Variants in ACTR1B observed in about 807,000 individuals in gnomAD.
ACTR1B encodes beta-centractin.
Under a neutral mutation model 49.4 loss-of-function variants are expected in ACTR1B, and 34 were observed. That is an observed-to-expected ratio of 0.69 (90% CI 0.52 to 0.92). The LOEUF is 0.92. ACTR1B is among the 40% of genes least tolerant of loss of function. ACTR1B has a pLI of 0.00. For synonymous variants in ACTR1B, 207 were observed against 207.8 expected (o/e 1.00, Z 0.03); for missense variants, 471 against 522.4 (o/e 0.90, Z 0.96).
chr2:97,663,938 C>A lies in ACTR1B; in HGVS notation c.-48G>T. Reference sequence around the variant, plus strand: ...CCAGCAGGCGGGCTGCAGGAGGCACCGGATGGGCGGGCGGGCGGGAGGACC... The same window carrying A: ...CCAGCAGGCGGGCTGCAGGAGGCACAGGATGGGCGGGCGGGCGGGAGGACC... On this transcript the variant is annotated 5_prime_UTR_variant, in exon 1 of 11. Transcript: ENST00000289228. 2 of 227,006 alleles carry A rather than the reference C, an allele frequency of 8.8e-6. No individual in the cohort carries two copies. Among genetic ancestry groups the A allele is most frequent in the Non-Finnish European group, 1.8e-5 (2 of 112,882 alleles). The allele number at this position is 227,006 out of a possible 1,614,324, so 14.1% of individuals were successfully genotyped here. A position where few individuals can be genotyped will look rare whatever the true frequency, so the allele number is the denominator to read the frequency against.
chr2:97,657,522 A>G lies in ACTR1B; in HGVS notation c.926-13T>C. The G allele has an allele frequency of 6.2e-7, 1 of 1,614,148 alleles. No homozygotes were observed. Among genetic ancestry groups the G allele is most frequent in the East Asian group, 2.2e-5 (1 of 44,884 alleles). Reference sequence around the variant, plus strand: ...CGGTCTCCGAAGCCTGTGAACACAAAGCTGGCTGAGCCTGGGGTCTGCACC... The same window carrying G: ...CGGTCTCCGAAGCCTGTGAACACAAGGCTGGCTGAGCCTGGGGTCTGCACC... On this transcript the variant is annotated splice_polypyrimidine_tract_variant and intron_variant, in intron 8 of 10. Coordinates refer to ENST00000289228, the MANE Select transcript of ACTR1B (RefSeq NM_005735.4).
At position 97,656,749 on chromosome 2, in the gene ACTR1B, G is replaced by C; in HGVS notation, c.*109C>G. ...GCTGTGCCACCCACCCAGGGGTTCA[G>C]GGCATGCAGGGGACCCTAAGCCTAG... On this transcript the variant is annotated 3_prime_UTR_variant, in exon 11 of 11. Coordinates refer to ENST00000289228, the MANE Select transcript of ACTR1B (RefSeq NM_005735.4). 1 of 874,974 alleles carries C rather than the reference G, an allele frequency of 1.1e-6. No homozygotes were observed. The allele number at this position is 874,974 out of a possible 1,614,324, so 54.2% of individuals were successfully genotyped here. A position where few individuals can be genotyped will look rare whatever the true frequency, so the allele number is the denominator to read the frequency against.
chr2:97,659,359 G>T lies in ACTR1B; in HGVS notation c.308C>A (p.Ser103Ter). The change falls in exon 4 of 11, where the codon TCG becomes TAG. Residue 103 changes from serine (S) to a stop codon, truncating the protein, a stop_gained. Coordinates refer to ENST00000289228, the MANE Select transcript of ACTR1B (RefSeq NM_005735.4). LOFTEE classifies it high-confidence loss of function. The surrounding 1 kb of genome is among the most constrained non-coding windows in gnomAD (Gnocchi z 4.0). ...GAGGGGCAGCCGCCACACCTCCTCC[G>T]AGAAGGTCTGCAGCTGATCCTTGGA... ...VYSKDQLQTF[S>*]EEHPVLLTEA... is the part of the protein sequence containing the mutation. 2 of 1,613,992 alleles carry T rather than the reference G, an allele frequency of 1.2e-6. No homozygotes were observed. Among genetic ancestry groups the T allele is most frequent in the Non-Finnish European group, 1.7e-6 (2 of 1,180,004 alleles).
intron 2 of ACTR1B, 136 bp from the exon 3 acceptor site, chr2:97,660,782 T>A: frequency 1.2e-6 from 1 of 844,502 alleles, no homozygotes; most frequent in South Asian, 1.5e-5. Flanking sequence ...GGGGCACAGG[T>A]TGGAACTGGG....
chr2:97,662,543 G>C (rs1180452140), intron 1 of ACTR1B, among the ~76,000 whole-genome samples: 2 of 151,990 alleles, frequency 1.3e-5, no homozygotes, highest in East Asian at 3.9e-4. Context: ...GCTTCCCAGA[G>C]ACTACTAGGA....
At chr2:97,660,461 G>A (rs180929304) in intron 3 of ACTR1B, 110 bp downstream of exon 3, 3 of 1,088,366 alleles carry the variant, frequency 2.8e-6, no homozygotes, top group East Asian at 4.8e-5. Flanking sequence ...TTCCCAGCTG[G>A]AGCCTGGAGG....
At position 97,658,836 on chromosome 2, in the gene ACTR1B, G is replaced by T; in HGVS notation, c.440+43C>A. The T allele has an allele frequency of 6.2e-7, 1 of 1,613,394 alleles. No homozygotes were observed. The highest frequency in any genetic ancestry group is 1.1e-5 in the South Asian group (1 of 90,996). On this transcript the variant is annotated intron_variant, in intron 5 of 10. Transcript: ENST00000289228. The surrounding 1 kb of genome is among the most constrained non-coding windows in gnomAD (Gnocchi z 5.9). Reference sequence around the variant, plus strand: ...TGGTCATGGCAAGCAGGACGGCACAGGGAGGACAGGACTCAGGGAGGCCAG... The same window carrying T: ...TGGTCATGGCAAGCAGGACGGCACATGGAGGACAGGACTCAGGGAGGCCAG...
chr2:97,662,808 G>C (rs964474164), intron 1 of ACTR1B, among the ~76,000 whole-genome samples: 3 of 152,162 alleles, frequency 2.0e-5, no homozygotes, highest in Non-Finnish European at 2.9e-5. Context: ...CGAGTTATTT[G>C]CACGTCAAGA....
At position 97,656,862 on chromosome 2, in the gene ACTR1B, A is replaced by G. The variant is rs1293862703; in HGVS notation, c.1127T>C (p.Phe376Ser). Reference protein sequence around the residue: ...DGSRAIHRKTF With the variant: ...DGSRAIHRKTS Reference sequence around the variant, plus strand: ...ATGCCCCGCCCTCCTTGGGCACTAGAAAGTTTTGCGATGAATAGCACGGGA... The same window carrying G: ...ATGCCCCGCCCTCCTTGGGCACTAGGAAGTTTTGCGATGAATAGCACGGGA... Residue 376 changes from phenylalanine (F) to serine (S), a missense_variant, in exon 11 of 11, where the codon TTC becomes TCC. By Grantham distance (155) the Phe-to-Ser change is radical. Coordinates refer to ENST00000289228, the MANE Select transcript of ACTR1B (RefSeq NM_005735.4). 2 of 1,579,856 alleles carry G rather than the reference A, an allele frequency of 1.3e-6. No individual in the cohort carries two copies. The highest frequency in any genetic ancestry group is 1.2e-5 in the South Asian group (1 of 86,208).
intron 2 of ACTR1B, among the ~76,000 whole-genome samples, chr2:97,661,499 C>G (rs760092940): frequency 6.6e-6 from 1 of 152,232 alleles, no homozygotes; most frequent in Non-Finnish European, 1.5e-5. Flanking sequence ...GAAAACAAGC[C>G]CGGCAGAAAA....
At position 97,656,638 on chromosome 2, in the gene ACTR1B, C is replaced by G. The variant is rs143901671; in HGVS notation, c.*220G>C. ...CCTGACATGGCGCTCAATTCCCACA[C>G]GCCAGCTCAAGGCTCCTGTCCATGC... On this transcript the variant is annotated 3_prime_UTR_variant, in exon 11 of 11. Transcript: ENST00000289228. The G allele has an allele frequency of 5.5e-6, 3 of 542,630 alleles. No homozygotes were observed. The African/African-American group carries it at 5.7e-5, about 10-fold the overall frequency. The allele number at this position is 542,630 out of a possible 1,614,324, so 33.6% of individuals were successfully genotyped here. A position where few individuals can be genotyped will look rare whatever the true frequency, so the allele number is the denominator to read the frequency against.
chr2:97,659,796 ACTCTGCCAGCTCCC>A lies in ACTR1B; in HGVS notation c.190-333_190-320del. 1 of 383,902 alleles carries A rather than the reference ACTCTGCCAGCTCCC, an allele frequency of 2.6e-6. No individual in the cohort carries two copies. The highest frequency in any genetic ancestry group is 4.8e-6 in the Non-Finnish European group (1 of 209,914). 23.8% of individuals were successfully genotyped at this position (383,902 alleles called of 1,614,324 possible). On this transcript the variant is annotated intron_variant, in intron 3 of 10. Coordinates refer to ENST00000289228, the MANE Select transcript of ACTR1B (RefSeq NM_005735.4). The surrounding 1 kb of genome is among the most constrained non-coding windows in gnomAD (Gnocchi z 4.0). ...GGCACATCCCCCACATTCTCCTCAC[ACTCTGCCAGCTCCC>A]CTCTGGCCAGCGCCGGCACCTTGCA...
chr2:97,657,217 A>C (rs1674868185), intron 9 of ACTR1B, 25 bp from the exon 10 acceptor site: 1 of 1,610,414 alleles, frequency 6.2e-7, no homozygotes, highest in South Asian at 1.1e-5. Flanking sequence ...TGGCCACGTT[A>C]ACTGTGGATC....
intron 1 of ACTR1B, 139 bp downstream of exon 1, chr2:97,663,704 C>T (rs886305528): frequency 9.8e-6 from 3 of 305,730 alleles, no homozygotes; most frequent in African/African-American, 4.5e-5. Flanking sequence ...GCCCCCGGGG[C>T]GAAGCCAGCG....
In ACTR1B at chr2:97,660,584, C is replaced by T. The variant is rs762892504; in HGVS notation, c.176G>A (p.Gly59Glu). 16 of 1,614,132 alleles carry T rather than the reference C, an allele frequency of 9.9e-6. No individual in the cohort carries two copies. Among genetic ancestry groups the T allele is most frequent in the Non-Finnish European group, 1.1e-5 (13 of 1,180,008 alleles). Residue 59 changes from glycine to glutamate, a missense_variant, in exon 3 of 11, where the codon GGA (glycine) becomes GAA (glutamate). By Grantham distance (98) the Gly-to-Glu change is moderately conservative. Coordinates refer to ENST00000289228, the MANE Select transcript of ACTR1B (RefSeq NM_005735.4). ...CCTCGGTGTTACCTCTGCTTTTGGT[C>T]CGATGAAGAGGTCCCCCTCCAGGGC... The part of the protein sequence containing the change: ...AGALEGDLFI[G>E]PKAEEHRGLL...
rs750623469 is a variant in ACTR1B at position 97,658,128 on chromosome 2, C to A, written c.751-11G>T. 6.2e-7 allele frequency: 1 copy of A among 1,613,664 alleles called. No homozygotes were observed. Among genetic ancestry groups the A allele is most frequent in the Admixed American group, 1.7e-5 (1 of 60,024 alleles). ...TCGTGCAGGCCCCACCTTTAGTGTA[C>A]AAGATTGAGGCAGACAGGCTTCCTG... is the stretch of plus-strand genomic sequence containing the variant. On this transcript the variant is annotated splice_polypyrimidine_tract_variant and intron_variant, in intron 7 of 10. Transcript: ENST00000289228. This position sits in a 1 kb window ranked among gnomAD's most constrained non-coding sequence, Gnocchi z 5.9.
rs1240471532 is a variant in ACTR1B at position 97,660,642 on chromosome 2, C to T, written c.118G>A (p.Gly40Arg). The T allele has an allele frequency of 7.4e-6, 12 of 1,613,932 alleles. No homozygotes were observed. The highest frequency in any genetic ancestry group is 8.5e-6 in the Non-Finnish European group (10 of 1,179,994). Residue 40 changes from glycine to arginine, a missense_variant, in exon 3 of 11, where the codon GGG becomes AGG. Coordinates refer to ENST00000289228, the MANE Select transcript of ACTR1B (RefSeq NM_005735.4). Reference protein sequence around the residue: ...IPKYCFPNYVGRPKHMRVMAG... With the variant: ...IPKYCFPNYVRRPKHMRVMAG... ...ATCACCCGCATGTGCTTCGGCCGCC[C>T]GACACTGTTAGGACGGATAACGTCA...
In ACTR1B at chr2:97,657,198, A is replaced by G. The variant is rs2290124; in HGVS notation, c.988-6T>C. 1,101,664 of 1,611,128 alleles carry G rather than the reference A, an allele frequency of 0.68. 391,003 individuals are homozygous for G. The highest frequency in any genetic ancestry group is 0.74 in the Non-Finnish European group (866,820 of 1,178,648). ...CGTTCCTGCGGGGCTGAGATCTAGA[A>G]GGAGGAAGTGGCCACGTTAACTGTG... On this transcript the variant is annotated splice_region_variant and splice_polypyrimidine_tract_variant and intron_variant, in intron 9 of 10. Coordinates refer to ENST00000289228, the MANE Select transcript of ACTR1B (RefSeq NM_005735.4).
chr2:97,657,382 A>G, intron 9 of ACTR1B, 66 bp downstream of exon 9: 1 of 1,575,294 alleles, frequency 6.3e-7, no homozygotes, highest in East Asian at 2.2e-5. Context: ...GGCAGCATTC[A>G]ACCTTCCTCC....
Sources: allele counts gnomAD v4.1 joint callset (sites outside exome capture counted in the v4.1 genomes callset), GRCh38; gene constraint gnomAD v4.1.1; non-coding constraint Gnocchi (gnomAD v3.1); transcripts MANE v1.5; gene names NCBI Gene and HGNC (gene_info 2026-07-23, HGNC 2026-07-21).